The following TRPC1 variants were observed in gnomAD, a reference collection of about 807,000 sequenced individuals.
TRPC1 encodes the protein short transient receptor potential channel 1.
A neutral mutation model predicts 88.2 loss-of-function variants in TRPC1; 42 were observed. The ratio of observed to expected loss-of-function variants is 0.48; its 90% CI spans 0.37 to 0.62. The LOEUF (loss-of-function observed/expected upper bound fraction) is 0.62, where lower values mean the gene tolerates loss of function less well. Among genes scored for constraint, TRPC1 ranks in the 20% least tolerant of loss-of-function variants. The probability of loss-of-function intolerance (pLI) is 0.00; values close to 1 mark genes in which losing one functional copy is unlikely to be tolerated. For missense variants in TRPC1, 699 were observed against 957.3 expected (o/e 0.73, Z 3.56); for synonymous variants, 288 against 331.8 (o/e 0.87, Z 1.43).
At chr3:142,732,498 G>A (rs898081501) in intron 1 of TRPC1, among the ~76,000 whole-genome samples, 1 of 152,136 alleles carries the variant, frequency 6.6e-6, no homozygotes, top group Admixed American at 6.5e-5. Flanking sequence ...TTTGGTTAAG[G>A]AGAGAATCTT....
In TRPC1 at chr3:142,724,793, C is replaced by T. The variant is rs922088689; in HGVS notation, c.172+62C>T. The T allele has an allele frequency of 4.1e-5, 59 of 1,440,160 alleles. No individual in the cohort carries two copies. The highest frequency in any genetic ancestry group is 5.3e-5 in the Non-Finnish European group (58 of 1,088,116). The allele number at this position is 1,440,160 out of a possible 1,614,324, so 89.2% of individuals were successfully genotyped here. On this transcript the variant is annotated intron_variant, in intron 1 of 12. Transcript: ENST00000476941. The surrounding 1 kb of genome is among the most constrained non-coding windows in gnomAD (Gnocchi z 5.6). ...GTCCTCCAGACCTTTAGTCCTCTCC[C>T]CCGCCTCAACTTATATCGGGGCATT...
chr3:142,786,929 A>G (rs911531665), intron 7 of TRPC1, among the ~76,000 whole-genome samples: 29 of 152,162 alleles, frequency 1.9e-4, no homozygotes, highest in Non-Finnish European at 1.5e-5. Context: ...AATGAGTAAA[A>G]ACTCACCGAA....
intron 2 of TRPC1, among the ~76,000 whole-genome samples, chr3:142,741,944 C>G (rs1184671632): frequency 1.3e-5 from 2 of 152,088 alleles, no homozygotes; most frequent in African/African-American, 4.8e-5. Flanking sequence ...GGGTGGATCT[C>G]TTGAGGTTGG....
chr3:142,775,302 T>G (rs1390264598), intron 4 of TRPC1, among the ~76,000 whole-genome samples: 1 of 152,176 alleles, frequency 6.6e-6, no homozygotes, highest in African/African-American at 2.4e-5. Context: ...ATAGAAAAAT[T>G]CATTACAACA....
At chr3:142,745,158 A>G (rs1459050760) in intron 3 of TRPC1, among the ~76,000 whole-genome samples, 4 of 151,760 alleles carry the variant, frequency 2.6e-5, no homozygotes, top group African/African-American at 7.3e-5. Flanking sequence ...TATAGTCCCT[A>G]TCCAAAGCAT....
chr3:142,773,416 T>C (rs1935646301), intron 4 of TRPC1, among the ~76,000 whole-genome samples: 1 of 151,860 alleles, frequency 6.6e-6, no homozygotes, highest in African/African-American at 2.4e-5. Context: ...ATGCTCACAG[T>C]ACTAAAAGGA....
intron 7 of TRPC1, among the ~76,000 whole-genome samples, chr3:142,790,327 T>C (rs1025262639): frequency 2.6e-5 from 4 of 152,254 alleles, no homozygotes; most frequent in Non-Finnish European, 5.9e-5. Flanking sequence ...TTGCAGGCCA[T>C]TGTAAAGACT....
chr3:142,802,952 T>C (rs1936669061), intron 10 of TRPC1, among the ~76,000 whole-genome samples: 1 of 152,192 alleles, frequency 6.6e-6, no homozygotes, highest in Non-Finnish European at 1.5e-5. Context: ...TGTGTCATCT[T>C]ATGTAAAGAA....
Position 142,777,628 on chromosome 3 carries a change from A to T in TRPC1, c.633-4A>T, listed in dbSNP as rs1935825561. 1 of 1,562,484 alleles carries T rather than the reference A, an allele frequency of 6.4e-7. No individual in the cohort carries two copies. The highest frequency in any genetic ancestry group is 8.7e-7 in the Non-Finnish European group (1 of 1,153,530). The stretch of plus-strand genomic sequence containing the variant: ...TTACATTATGGAATCCAATTTTATC[A>T]CAGGTTTCGTCTTGATATATATCGA... On this transcript the variant is annotated splice_polypyrimidine_tract_variant and splice_region_variant and intron_variant, in intron 4 of 12. Transcript: ENST00000476941.
At position 142,806,700 on chromosome 3, in the gene TRPC1, AATTTT is replaced by A. The variant is rs1345933146; in HGVS notation, c.*473_*477del. The A allele has an allele frequency of 2.0e-5, 3 of 152,058 alleles. No homozygotes were observed. Among genetic ancestry groups the A allele is most frequent in the Non-Finnish European group, 2.9e-5 (2 of 67,986 alleles). 9.4% of individuals were successfully genotyped at this position (152,058 alleles called of 1,614,324 possible). On this transcript the variant is annotated 3_prime_UTR_variant, in exon 13 of 13. Coordinates refer to ENST00000476941, the MANE Select transcript of TRPC1 (RefSeq NM_001251845.2). ...TTCAGCATTTATTGTTTAGGAGTAT[AATTTT>A]ATTTTATCTAAAATAATAGTCTATT...
intron 12 of TRPC1, among the ~76,000 whole-genome samples, chr3:142,804,885 T>C (rs1025332620): frequency 2.0e-5 from 3 of 152,084 alleles, no homozygotes; most frequent in Non-Finnish European, 2.9e-5. Context: ...GGCAAGCACA[T>C]CATCACTTGA....
Position 142,776,695 on chromosome 3 carries a change from G to C in TRPC1, c.633-937G>C, listed in dbSNP as rs1935782935. Among the ~76,000 whole-genome samples, 2 of 150,272 alleles carry C rather than the reference G, an allele frequency of 1.3e-5. No homozygotes were observed. The highest frequency in any genetic ancestry group is 3.0e-5 in the Non-Finnish European group (2 of 67,488). On this transcript the variant is annotated intron_variant, in intron 4 of 12. Coordinates refer to ENST00000476941, the MANE Select transcript of TRPC1 (RefSeq NM_001251845.2). This position sits in a 1 kb window ranked among gnomAD's most constrained non-coding sequence, Gnocchi z 4.1. ...CGAGGTGGCTGGATCACAAGGTCAG[G>C]AGATCGAGACGATCCTGGCCAACAT...
rs1936329350 is a variant in TRPC1 at position 142,792,741 on chromosome 3, T to G, written c.1438-83T>G. The G allele has an allele frequency of 7.2e-7, 1 of 1,384,586 alleles. No individual in the cohort carries two copies. The highest frequency in any genetic ancestry group is 1.9e-5 in the South Asian group (1 of 53,486). The allele number at this position is 1,384,586 out of a possible 1,614,324, so 85.8% of individuals were successfully genotyped here. A position where few individuals can be genotyped will look rare whatever the true frequency, so the allele number is the denominator to read the frequency against. On this transcript the variant is annotated intron_variant, in intron 8 of 12. Transcript: ENST00000476941. This position sits in a 1 kb window ranked among gnomAD's most constrained non-coding sequence, Gnocchi z 4.0. ...TAAGAAGACAAAATTAAAATGGCTT[T>G]CTTTCAACAGTCAGAATATTTGCTT...
intron 4 of TRPC1, among the ~76,000 whole-genome samples, chr3:142,751,053 T>TA (rs1196739711): frequency 1.3e-5 from 2 of 152,288 alleles, no homozygotes; most frequent in East Asian, 1.9e-4. Context: ...TCCAAAATGG[T>TA]AAAAAAGTTA....
intron 5 of TRPC1, among the ~76,000 whole-genome samples, chr3:142,778,999 T>C (rs1023438170): frequency 6.6e-6 from 1 of 152,138 alleles, no homozygotes; most frequent in Non-Finnish European, 1.5e-5. Context: ...TATTAGCACA[T>C]GAGGCTGTTA....
intron 9 of TRPC1, among the ~76,000 whole-genome samples, chr3:142,795,966 CTG>C (rs761733502): frequency 3.1e-4 from 47 of 152,190 alleles, no homozygotes; most frequent in South Asian, 1.0e-3. Flanking sequence ...AAGATAGAAT[CTG>C]TACATAATTG....
chr3:142,729,801 T>A (rs909914047), intron 1 of TRPC1, among the ~76,000 whole-genome samples: 27 of 152,152 alleles, frequency 1.8e-4, no homozygotes, highest in African/African-American at 5.5e-4. Context: ...TTTCAAAAGT[T>A]ATCACTAAGA....
chr3:142,736,564 C>T (rs1336268275), intron 2 of TRPC1, 31 bp downstream of exon 2: 1 of 1,545,882 alleles, frequency 6.5e-7, no homozygotes, highest in Non-Finnish European at 8.7e-7. Flanking sequence ...ATCCAGTTAA[C>T]TTCTAAGTGC....
intron 4 of TRPC1, among the ~76,000 whole-genome samples, chr3:142,764,003 T>C (rs959203387): frequency 3.0e-4 from 31 of 101,818 alleles, no homozygotes; most frequent in Admixed American, 5.6e-4. Flanking sequence ...TACATACATA[T>C]ATATATATAT....
Sources: gnomAD v4.1 joint callset for allele counts (sites outside exome capture counted in the v4.1 genomes callset) on GRCh38, gnomAD v4.1.1 for gene constraint, Gnocchi (gnomAD v3.1) non-coding constraint, MANE v1.5 for transcripts, NCBI Gene and HGNC (gene_info 2026-07-23, HGNC 2026-07-21) for gene names.